The following LIPA variants were observed in gnomAD, a reference collection of about 807,000 sequenced individuals.
LIPA encodes the protein lysosomal acid lipase/cholesteryl ester hydrolase.
A neutral mutation model predicts 40.6 loss-of-function variants in LIPA; 26 were observed. That is an observed-to-expected ratio of 0.64 (90% confidence interval 0.47 to 0.89). The LOEUF (loss-of-function observed/expected upper bound fraction) is 0.89. LIPA is among the 40% of genes least tolerant of loss of function. LIPA has a pLI of 0.00. For synonymous variants in LIPA, 188 were observed against 168.4 expected, an observed-to-expected ratio of 1.12 and a Z score of -0.90; for missense variants, 455 against 479.6, an observed-to-expected ratio of 0.95 and a Z score of 0.48.
chr10:89,273,312 T>C (rs146906041), intron 1 of LIPA, among the ~76,000 whole-genome samples: 1 of 152,040 alleles, frequency 6.6e-6, no homozygotes, highest in African/African-American at 2.4e-5. Flanking sequence ...AAAATGGAAA[T>C]GGAGTCAGAG....
intron 2 of LIPA, among the ~76,000 whole-genome samples, chr10:89,398,028 A>G (rs978588338): frequency 2.0e-5 from 3 of 152,206 alleles, no homozygotes; most frequent in Admixed American, 6.5e-5. Flanking sequence ...GAAATTTTTC[A>G]TCTTCCTAAA....
chr10:89,379,097 A>C (rs552075280), intron 2 of LIPA, among the ~76,000 whole-genome samples: 2 of 152,364 alleles, frequency 1.3e-5, no homozygotes, highest in Non-Finnish European at 2.9e-5. Flanking sequence ...TGGGAAAAAG[A>C]AGCTACTTTC....
At chr10:89,287,212 A>G (rs985741201) in intron 1 of LIPA, among the ~76,000 whole-genome samples, 7 of 152,106 alleles carry the variant, frequency 4.6e-5, no homozygotes, top group Non-Finnish European at 8.8e-5. Flanking sequence ...GGACCATCAC[A>G]GATGCTTTAG....
At chr10:89,356,195 G>A (rs1843987507) in intron 2 of LIPA, among the ~76,000 whole-genome samples, 1 of 152,088 alleles carries the variant, frequency 6.6e-6, no homozygotes, top group Admixed American at 6.6e-5. Flanking sequence ...TGGAAGAGTT[G>A]CATAGGGCAA....
chr10:89,239,253 C>A (rs1379037510), intron 3 of LIPA, among the ~76,000 whole-genome samples: 1 of 152,220 alleles, frequency 6.6e-6, no homozygotes, highest in African/African-American at 2.4e-5. Context: ...TGTTCTCTAG[C>A]CTGAGAAGAG....
At chr10:89,307,441 G>A in intron 1 of LIPA, 1 of 1,322,218 alleles carries the variant, frequency 7.6e-7, no homozygotes, top group South Asian at 1.4e-5. Context: ...CACCAAGTTG[G>A]TATTCAAAAT....
intron 2 of LIPA, chr10:89,363,093 A>C: frequency 4.4e-6 from 1 of 225,998 alleles, no homozygotes; most frequent in Non-Finnish European, 9.7e-6. Context: ...TTATCAAAGA[A>C]GAGGCAATAT....
intron 2 of LIPA, among the ~76,000 whole-genome samples, chr10:89,397,987 A>G (rs1400801078): frequency 6.6e-6 from 1 of 152,190 alleles, no homozygotes; most frequent in African/African-American, 2.4e-5. Context: ...CATTCACTTT[A>G]TTGTGCAACC....
intron 1 of LIPA, among the ~76,000 whole-genome samples, chr10:89,258,257 C>A (rs1341736582): frequency 6.6e-6 from 1 of 151,890 alleles, no homozygotes; most frequent in Non-Finnish European, 1.5e-5. Context: ...GAACCTAGAC[C>A]CTTAAGTCAT....
chr10:89,357,520 G>GGC (rs1843995038), intron 2 of LIPA, among the ~76,000 whole-genome samples: 1 of 152,204 alleles, frequency 6.6e-6, no homozygotes, highest in African/African-American at 2.4e-5. Context: ...TTCTTACTAA[G>GGC]TTAACAGACA....
intron 1 of LIPA, among the ~76,000 whole-genome samples, chr10:89,269,352 T>C (rs561278916): frequency 6.6e-6 from 1 of 152,268 alleles, no homozygotes; most frequent in East Asian, 1.9e-4. Flanking sequence ...AAGTTTAGTT[T>C]ATTTCTATTT....
At chr10:89,369,766 G>A (rs1844081355) in intron 2 of LIPA, among the ~76,000 whole-genome samples, 1 of 152,186 alleles carries the variant, frequency 6.6e-6, no homozygotes, top group Non-Finnish European at 1.5e-5. Flanking sequence ...CTAGCACACA[G>A]ATCTTTTGAG....
At chr10:89,404,692 C>T (rs763178597) in intron 2 of LIPA, 13 of 152,336 alleles carry the variant, frequency 8.5e-5, no homozygotes, top group African/African-American at 3.1e-4. Flanking sequence ...CAGTGGCTCA[C>T]GCCTGTAATC....
intron 3 of LIPA, among the ~76,000 whole-genome samples, chr10:89,236,585 T>C (rs902063082): frequency 6.6e-6 from 1 of 152,242 alleles, no homozygotes; most frequent in Non-Finnish European, 1.5e-5. Flanking sequence ...TTGCTTGATA[T>C]GTGTCATAGA....
At chr10:89,301,138 C>T (rs977380060) in intron 1 of LIPA, among the ~76,000 whole-genome samples, 13 of 152,284 alleles carry the variant, frequency 8.5e-5, no homozygotes, top group Admixed American at 7.2e-4. Context: ...TTTACAAAAC[C>T]GAAGCAGAGA....
chr10:89,385,887 G>A (rs1166903479), intron 2 of LIPA, among the ~76,000 whole-genome samples: 6 of 152,178 alleles, frequency 3.9e-5, no homozygotes, highest in Admixed American at 3.9e-4. Flanking sequence ...AATTCTTGGA[G>A]TGTATTTTAT....
In LIPA at chr10:89,228,234, G is replaced by A; in HGVS notation, c.394C>T (p.Leu132Phe). 6.2e-7 allele frequency: 1 copy of A among 1,614,116 alleles called. No individual in the cohort carries two copies. The highest frequency in any genetic ancestry group is 8.5e-7 in the Non-Finnish European group (1 of 1,179,974). Reference protein sequence around the residue: ...GNTWSRKHKTLSVSQDEFWAF... With the variant: ...GNTWSRKHKTFSVSQDEFWAF... ...CAGAATTCATCCTGAGAAACTGAGA[G>A]TGTCTTATGTTTCCGAGACCAGGTA... Residue 132 changes from leucine (L) to phenylalanine (F), a missense_variant, in exon 4 of 10, where the codon CTC becomes TTC. Transcript: ENST00000336233.
intron 2 of LIPA, among the ~76,000 whole-genome samples, chr10:89,387,193 A>G (rs304497): frequency 0.19 from 28,264 of 151,502 alleles, 3,408 homozygotes; most frequent in East Asian, 0.55. Flanking sequence ...GCGGGCGCCT[A>G]TAGTCCCAGC....
chr10:89,350,167 A>G (rs1046872094), intron 2 of LIPA, among the ~76,000 whole-genome samples: 2 of 152,112 alleles, frequency 1.3e-5, no homozygotes, highest in Non-Finnish European at 2.9e-5. Flanking sequence ...AGTTCTAGCC[A>G]CTTCTTTCAC....
Sources: gnomAD v4.1 joint callset for allele counts (sites outside exome capture counted in the v4.1 genomes callset) on GRCh38, gnomAD v4.1.1 for gene constraint, MANE v1.5 for transcripts, NCBI Gene and HGNC (gene_info 2026-07-23, HGNC 2026-07-21) for gene names.